Variants in SLC25A48 observed in about 807,000 individuals in gnomAD.
The protein encoded by SLC25A48 is CTC-321K16.1.
In SLC25A48, 29 loss-of-function variants were observed where a neutral mutation model predicts 32.2. That is an observed-to-expected ratio of 0.90 (90% CI 0.67 to 1.23). The LOEUF (loss-of-function observed/expected upper bound fraction) is 1.23, where lower values mean the gene tolerates loss of function less well. Among genes scored for constraint, SLC25A48 ranks in the 50% most tolerant of loss-of-function variants. The pLI, the probability that SLC25A48 is intolerant of heterozygous loss-of-function variation, is 0.00. For synonymous variants in SLC25A48, 164 were observed against 172.3 expected (o/e 0.95, Z 0.38); for missense variants, 399 against 422.7 (o/e 0.94, Z 0.49).
intron 4 of SLC25A48, among the ~76,000 whole-genome samples, chr5:135,820,954 G>A (rs974725425): frequency 6.6e-6 from 1 of 152,188 alleles, no homozygotes; most frequent in African/African-American, 2.4e-5. Context: ...CCAGCCCTGG[G>A]GAAGTGTGAG....
At chr5:135,741,439 T>TA (rs1185376667) in intron 3 of SLC25A48, among the ~76,000 whole-genome samples, 1 of 152,202 alleles carries the variant, frequency 6.6e-6, no homozygotes, top group Non-Finnish European at 1.5e-5. Flanking sequence ...GGTACTAATT[T>TA]AAAAATTGCA....
chr5:135,755,486 A>G (rs1561477584), intron 3 of SLC25A48, among the ~76,000 whole-genome samples: 2 of 151,930 alleles, frequency 1.3e-5, no homozygotes, highest in East Asian at 3.9e-4. Flanking sequence ...TTATCATATC[A>G]TATCTAGTGT....
At chr5:135,673,030 T>G (rs1753690560) in intron 3 of SLC25A48, among the ~76,000 whole-genome samples, 1 of 152,264 alleles carries the variant, frequency 6.6e-6, no homozygotes, top group African/African-American at 2.4e-5. Context: ...TATTTTGATA[T>G]TAATATTCCT....
At chr5:135,813,313 T>C (rs1294378794) in intron 4 of SLC25A48, among the ~76,000 whole-genome samples, 1 of 151,134 alleles carries the variant, frequency 6.6e-6, no homozygotes, top group Non-Finnish European at 1.5e-5. Flanking sequence ...GTTGGGGGAG[T>C]GTTGAAAGTT....
At chr5:135,802,116 C>G (rs1052399828) in intron 3 of SLC25A48, among the ~76,000 whole-genome samples, 1 of 151,778 alleles carries the variant, frequency 6.6e-6, no homozygotes, top group African/African-American at 2.4e-5. Flanking sequence ...AGATATTACT[C>G]CCAATACCCT....
intron 3 of SLC25A48, among the ~76,000 whole-genome samples, chr5:135,686,360 C>T (rs1258885458): frequency 3.3e-5 from 5 of 152,340 alleles, no homozygotes; most frequent in South Asian, 4.1e-4. Context: ...CTTTGTCCCT[C>T]AGCTCTCTGA....
At chr5:135,590,819 G>C (rs1466903331) in intron 1 of SLC25A48, among the ~76,000 whole-genome samples, 1 of 152,248 alleles carries the variant, frequency 6.6e-6, no homozygotes, top group East Asian at 1.9e-4. Flanking sequence ...GCAGCCCAAA[G>C]AGGGCATTGG....
At chr5:135,714,464 C>T (rs530373544) in intron 3 of SLC25A48, among the ~76,000 whole-genome samples, 2 of 152,204 alleles carry the variant, frequency 1.3e-5, no homozygotes, top group South Asian at 4.1e-4. Flanking sequence ...GTGTGGCGCC[C>T]GCTGGAAGCT....
At chr5:135,746,269 G>T in intron 3 of SLC25A48, 1 of 165,968 alleles carries the variant, frequency 6.0e-6, no homozygotes, top group South Asian at 1.5e-4. Flanking sequence ...GTCTGGGGTA[G>T]CCCCCACTCC....
chr5:135,867,862 T>C (rs1167488259), intron 4 of SLC25A48, among the ~76,000 whole-genome samples: 1 of 152,232 alleles, frequency 6.6e-6, no homozygotes. Context: ...GTGCTAGTGC[T>C]GATGGACTTG....
At chr5:135,614,141 G>C (rs555246737) in intron 1 of SLC25A48, among the ~76,000 whole-genome samples, 1 of 152,148 alleles carries the variant, frequency 6.6e-6, no homozygotes, top group African/African-American at 2.4e-5. Flanking sequence ...AGTTTTCCTT[G>C]TGGAGATCTT....
chr5:135,768,368 C>T (rs1237748461), intron 3 of SLC25A48, among the ~76,000 whole-genome samples: 1 of 151,102 alleles, frequency 6.6e-6, no homozygotes, highest in African/African-American at 2.4e-5. Context: ...ATACTGTTCA[C>T]AATATCCAGG....
At chr5:135,610,763 A>G (rs1227042225) in intron 1 of SLC25A48, among the ~76,000 whole-genome samples, 1 of 152,206 alleles carries the variant, frequency 6.6e-6, no homozygotes, top group African/African-American at 2.4e-5. Flanking sequence ...ACCACTGAAT[A>G]AAGGGAAAAG....
upstream of SLC25A48, among the ~76,000 whole-genome samples, chr5:135,831,467 C>T (rs1758208527): frequency 6.6e-6 from 1 of 152,190 alleles, no homozygotes; most frequent in South Asian, 2.1e-4. Context: ...AGCAGAGATA[C>T]AGATATGCTC....
At chr5:135,743,744 C>T (rs147893532) in intron 3 of SLC25A48, among the ~76,000 whole-genome samples, 29 of 152,288 alleles carry the variant, frequency 1.9e-4, no homozygotes, top group African/African-American at 6.5e-4. Context: ...TTAACTAGAC[C>T]CCTGCAAAAG....
chr5:135,789,694 AG>A (rs1401689527), intron 3 of SLC25A48, among the ~76,000 whole-genome samples: 1 of 150,530 alleles, frequency 6.6e-6, no homozygotes, highest in African/African-American at 2.4e-5. Context: ...CCCATGTGGC[AG>A]GGGGGTGTAC....
At chr5:135,690,968 G>C (rs901806743) in intron 3 of SLC25A48, among the ~76,000 whole-genome samples, 47 of 151,212 alleles carry the variant, frequency 3.1e-4, no homozygotes, top group African/African-American at 1.1e-3. Flanking sequence ...ATAAAAATCA[G>C]CTTTGAGGAT....
At chr5:135,717,123 G>A (rs1754820243) in intron 3 of SLC25A48, among the ~76,000 whole-genome samples, 1 of 152,086 alleles carries the variant, frequency 6.6e-6, no homozygotes, top group African/African-American at 2.4e-5. Context: ...TCCACCTTCG[G>A]GCAGATGTCG....
At chr5:135,837,783 A>T (rs1166316461) in intron 1 of SLC25A48, among the ~76,000 whole-genome samples, 1 of 152,236 alleles carries the variant, frequency 6.6e-6, no homozygotes, top group Non-Finnish European at 1.5e-5. Flanking sequence ...CCAGCCATGT[A>T]GAACAGTGAG....
Sources: gnomAD v4.1 joint callset for allele counts (sites outside exome capture counted in the v4.1 genomes callset) on GRCh38, gnomAD v4.1.1 for gene constraint, MANE v1.5 for transcripts, NCBI Gene and HGNC (gene_info 2026-07-23, HGNC 2026-07-21) for gene names.